DYNLL1: variants seen among roughly 807,000 people sequenced by gnomAD.
The protein encoded by DYNLL1 is dynein light chain LC8-type 1.
DYNLL1 carries 3 observed loss-of-function variants against 10.1 expected under a neutral mutation model. That is an observed-to-expected ratio of 0.30 (90% CI 0.14 to 0.77). DYNLL1 has a LOEUF of 0.77. Among genes scored for constraint, DYNLL1 ranks in the 30% least tolerant of loss-of-function variants. DYNLL1 has a pLI of 0.66. For missense variants in DYNLL1, 47 were observed against 111.7 expected (o/e 0.42, Z 2.61); for synonymous variants, 46 against 41.2 (o/e 1.12, Z -0.45).
In DYNLL1 at chr12:120,470,589, C is replaced by T. The variant is rs772861723; in HGVS notation, c.-7+485C>T. On this transcript the variant is annotated intron_variant, in intron 1 of 2. Coordinates refer to the DYNLL1 transcript ENST00000392509. The stretch of plus-strand genomic sequence containing the variant: ...CTCAGGTGATCCTCCCACCTCGGGG[C>T]GCCGTGAGGGGTCTGCGCTGCGTCC... 3.9e-5 allele frequency among the ~76,000 whole-genome samples: 6 copies of T among 152,116 alleles called. 1 individual carries two copies. The highest frequency in any genetic ancestry group is 8.8e-5 in the Non-Finnish European group (6 of 68,032).
At chr12:120,490,188 A>G (rs1879093588) in intron 1 of DYNLL1, 2 of 152,266 alleles carry the variant, frequency 1.3e-5, no homozygotes, top group African/African-American at 4.8e-5. Flanking sequence ...CACCTGGAAC[A>G]GGGCCTGACA....
Position 120,496,156 on chromosome 12 carries a change from C to T in DYNLL1, c.-67C>T, listed in dbSNP as rs980667715. 2.2e-5 allele frequency: 13 copies of T among 578,346 alleles called. No homozygotes were observed. Among genetic ancestry groups the T allele is most frequent in the East Asian group, 1.5e-4 (5 of 33,474 alleles). 35.8% of individuals were successfully genotyped at this position (578,346 alleles called of 1,614,324 possible). A position where few individuals can be genotyped will look rare whatever the true frequency, so the allele number is the denominator to read the frequency against. ...GTAGCGACGGTATCTCTAGCCGGGCCTGAGCTGTGCTAGCACCTCCCCCAG... is the reference window on the plus strand; with the variant it reads ...GTAGCGACGGTATCTCTAGCCGGGCTTGAGCTGTGCTAGCACCTCCCCCAG... On this transcript the variant is annotated 5_prime_UTR_variant, in exon 1 of 3. Transcript: ENST00000242577.
intron 1 of DYNLL1, among the ~76,000 whole-genome samples, chr12:120,485,514 A>G (rs985000122): frequency 1.3e-5 from 2 of 151,774 alleles, no homozygotes; most frequent in Non-Finnish European, 2.9e-5. Flanking sequence ...TCGGCCTCCC[A>G]AAGTGCTGGG....
chr12:120,476,228 G>T lies in DYNLL1; in HGVS notation c.-7+6124G>T, dbSNP rs926643139. 2.0e-5 allele frequency among the ~76,000 whole-genome samples: 3 copies of T among 151,634 alleles called. No individual in the cohort carries two copies. In the East Asian group the frequency reaches 5.8e-4, roughly 29 times the overall value. Reference sequence around the variant, plus strand: ...ATACTAAGCAGATTTTTAATGAACTGCGTCAATATAATTCAGTAATGGCAC... The same window carrying T: ...ATACTAAGCAGATTTTTAATGAACTTCGTCAATATAATTCAGTAATGGCAC... On this transcript the variant is annotated intron_variant, in intron 1 of 2. Coordinates refer to the DYNLL1 transcript ENST00000392509.
chr12:120,495,522 A>G (rs1879243924), upstream of DYNLL1: 1 of 152,096 alleles, frequency 6.6e-6, no homozygotes. Context: ...AACCGACTAC[A>G]AATGGGGCCC....
intron 1 of DYNLL1, among the ~76,000 whole-genome samples, chr12:120,487,805 C>T (rs1437199951): frequency 2.6e-5 from 4 of 152,120 alleles, no homozygotes; most frequent in African/African-American, 7.2e-5. Flanking sequence ...CCCAGGTGGC[C>T]GTAACTCAGG....
At chr12:120,475,941 T>C (rs1878742862) in intron 1 of DYNLL1, among the ~76,000 whole-genome samples, 1 of 152,184 alleles carries the variant, frequency 6.6e-6, no homozygotes, top group African/African-American at 2.4e-5. Flanking sequence ...AGGTACAAAA[T>C]GGCAAATGAG....
upstream of DYNLL1, among the ~76,000 whole-genome samples, chr12:120,492,522 G>A (rs1368914117): frequency 6.6e-6 from 1 of 152,144 alleles, no homozygotes; most frequent in Non-Finnish European, 1.5e-5. The surrounding 1 kb of genome is among the most constrained non-coding windows in gnomAD (Gnocchi z 4.1). Flanking sequence ...AGCTGAGATC[G>A]CACTACTGCA....
At chr12:120,496,240 G>A in intron 1 of DYNLL1, 24 bp downstream of exon 1, 1 of 883,330 alleles carries the variant, frequency 1.1e-6, no homozygotes, top group South Asian at 1.7e-5. Context: ...GGGGCCAGGG[G>A]GTGTCCTCGC....
chr12:120,497,826 T>TAAA, intron 2 of DYNLL1: 1 of 485,486 alleles, frequency 2.1e-6, no homozygotes, highest in Non-Finnish European at 3.7e-6. Context: ...CAAAACACCC[T>TAAA]GTCTTTAGGG....
chr12:120,472,172 TG>T (rs1878665328), intron 1 of DYNLL1, among the ~76,000 whole-genome samples: 1 of 140,880 alleles, frequency 7.1e-6, no homozygotes, highest in African/African-American at 2.4e-5. Flanking sequence ...ATTTGCTGCT[TG>T]TAACAAAAAA....
chr12:120,488,562 T>C (rs1366162029), intron 1 of DYNLL1: 1 of 152,230 alleles, frequency 6.6e-6, no homozygotes, highest in Non-Finnish European at 1.5e-5. Flanking sequence ...CTTCCTTTCA[T>C]GTCCCTTGTG....
At chr12:120,478,609 AG>A (rs965257389) in intron 1 of DYNLL1, among the ~76,000 whole-genome samples, 1 of 148,876 alleles carries the variant, frequency 6.7e-6, no homozygotes, top group Non-Finnish European at 1.5e-5. Flanking sequence ...CCTAGCACTT[AG>A]GGAGGCTGAG....
intron 1 of DYNLL1, among the ~76,000 whole-genome samples, chr12:120,486,318 GATT>G (rs1294663646): frequency 6.6e-6 from 1 of 152,180 alleles, no homozygotes; most frequent in African/African-American, 2.4e-5. Context: ...GGAAGAAACA[GATT>G]ATTATGTACA....
chr12:120,482,224 A>G (rs1878894269), intron 1 of DYNLL1, among the ~76,000 whole-genome samples: 1 of 152,212 alleles, frequency 6.6e-6, no homozygotes, highest in Non-Finnish European at 1.5e-5. Context: ...GCTGGAGGCC[A>G]GGAGTTTGAG....
chr12:120,484,592 T>C lies in DYNLL1; in HGVS notation c.-6-11824T>C, dbSNP rs139931884. On this transcript the variant is annotated intron_variant, in intron 1 of 2. Coordinates refer to the DYNLL1 transcript ENST00000392509. ...CAGTGTTTCACTTTTATACAATGAG[T>C]ACCTATTACTTCTGAAAGTAGAATT... Among the ~76,000 whole-genome samples, 563 of 152,314 alleles carry C rather than the reference T, an allele frequency of 3.7e-3. 4 individuals are homozygous for C. The highest frequency in any genetic ancestry group is 0.013 in the African/African-American group (543 of 41,568).
At position 120,486,739 on chromosome 12, in the gene DYNLL1, T is replaced by C. The variant is rs878956843; in HGVS notation, c.-6-9677T>C. Among the ~76,000 whole-genome samples the C allele has an allele frequency of 3.9e-5, 6 of 152,112 alleles. No individual in the cohort carries two copies. The South Asian group carries it at 1.2e-3, about 32-fold the overall frequency. ...CTCCTGCCTTAGCCTCCCAAAGCGC[T>C]AGGATTATAGGCATGAGACACTGCA... On this transcript the variant is annotated intron_variant, in intron 1 of 2. Coordinates refer to the DYNLL1 transcript ENST00000392509.
At chr12:120,479,462 A>ATAATAATAATAAT (rs1555221132) in intron 1 of DYNLL1, among the ~76,000 whole-genome samples, 3 of 133,196 alleles carry the variant, frequency 2.3e-5, no homozygotes, top group Middle Eastern at 3.7e-3. Context: ...AAAAAAAAAA[A>ATAATAATAATAAT]AAAAAAAATA....
rs142458935 is a variant in DYNLL1 at position 120,498,105 on chromosome 12, T to C, written c.165T>C (p.His55=). The change falls in exon 3 of 3, where the codon CAT becomes CAC. Residue 55 remains histidine (H), a synonymous_variant. Transcript: ENST00000242577. ...ACAAGAAGTACAATCCCACCTGGCATTGCATCGTGGGGAGGAACTTCGGTA... is the reference window on the plus strand; with the variant it reads ...ACAAGAAGTACAATCCCACCTGGCACTGCATCGTGGGGAGGAACTTCGGTA... The part of the protein sequence containing the change: ...EFDKKYNPTW[H]CIVGRNFGSY... The C allele has an allele frequency of 5.0e-6, 8 of 1,614,134 alleles. No homozygotes were observed. The East Asian group carries it at 1.8e-4, about 36-fold the overall frequency.
Sources: gnomAD v4.1 joint callset for allele counts (sites outside exome capture counted in the v4.1 genomes callset) on GRCh38, gnomAD v4.1.1 for gene constraint, Gnocchi (gnomAD v3.1) non-coding constraint, MANE v1.5 for transcripts, NCBI Gene and HGNC (gene_info 2026-07-23, HGNC 2026-07-21) for gene names.